SORCS3: variants seen among roughly 807,000 people sequenced by gnomAD.
SORCS3 encodes the protein VPS10 domain-containing receptor SorCS3.
A neutral mutation model predicts 146.3 loss-of-function variants in SORCS3; 57 were observed. The observed-to-expected ratio is 0.39, with a 90% CI of 0.31 to 0.49. The LOEUF is 0.49. Among genes scored for constraint, SORCS3 ranks in the 20% least tolerant of loss-of-function variants. The pLI, the probability that SORCS3 is intolerant of heterozygous loss-of-function variation, is 0.92. For missense variants in SORCS3, 1,341 were observed against 1,575.5 expected (o/e 0.85, Z 2.52); for synonymous variants, 653 against 618.5 (o/e 1.06, Z -0.83).
intron 13 of SORCS3, among the ~76,000 whole-genome samples, chr10:105,168,808 A>G (rs2056336255): frequency 6.6e-6 from 1 of 152,158 alleles, no homozygotes; most frequent in South Asian, 2.1e-4. Flanking sequence ...CCTAGCTTAT[A>G]GTGAAATAGT....
intron 4 of SORCS3, among the ~76,000 whole-genome samples, chr10:105,034,515 G>T (rs980581648): frequency 6.6e-6 from 1 of 152,132 alleles, no homozygotes; most frequent in Non-Finnish European, 1.5e-5. Flanking sequence ...GCCAGTTTCT[G>T]CATGCTTGAC....
chr10:105,058,112 C>A (rs1338421421), intron 5 of SORCS3, among the ~76,000 whole-genome samples: 1 of 152,174 alleles, frequency 6.6e-6, no homozygotes, highest in Non-Finnish European at 1.5e-5. Flanking sequence ...GAACTGTGCA[C>A]AATGGAGGCA....
intron 1 of SORCS3, among the ~76,000 whole-genome samples, chr10:104,841,503 T>C (rs956576296): frequency 3.3e-5 from 5 of 152,136 alleles, no homozygotes; most frequent in Admixed American, 1.3e-4. Context: ...CTTTGGCACA[T>C]AATGGATCAT....
intron 1 of SORCS3, among the ~76,000 whole-genome samples, chr10:104,737,106 A>G (rs1277716940): frequency 6.6e-6 from 1 of 152,192 alleles, no homozygotes; most frequent in Non-Finnish European, 1.5e-5. Flanking sequence ...AAAGGACATG[A>G]ACTCATCTTT....
intron 1 of SORCS3, among the ~76,000 whole-genome samples, chr10:104,783,630 G>C (rs2017399575): frequency 6.6e-6 from 1 of 152,158 alleles, no homozygotes; most frequent in Admixed American, 6.5e-5. Flanking sequence ...AGAAGGCTGA[G>C]GTGGAAGAAT....
intron 1 of SORCS3, among the ~76,000 whole-genome samples, chr10:104,752,344 AT>A: frequency 6.6e-6 from 1 of 152,002 alleles, no homozygotes; most frequent in Non-Finnish European, 1.5e-5. Context: ...CTAAAGCATT[AT>A]TTTTTTGTGA....
intron 4 of SORCS3, among the ~76,000 whole-genome samples, chr10:105,036,073 G>T (rs183661329): frequency 6.6e-6 from 1 of 152,232 alleles, no homozygotes; most frequent in African/African-American, 2.4e-5. Flanking sequence ...GTGGCACTTA[G>T]ACCAATGCAC....
At chr10:104,717,100 G>A (rs988936066) in intron 1 of SORCS3, among the ~76,000 whole-genome samples, 1 of 152,084 alleles carries the variant, frequency 6.6e-6, no homozygotes, top group Non-Finnish European at 1.5e-5. Context: ...ACCAGCCCAG[G>A]CGGCATAGCA....
chr10:104,779,489 T>C (rs1185128777), intron 1 of SORCS3, among the ~76,000 whole-genome samples: 1 of 152,048 alleles, frequency 6.6e-6, no homozygotes, highest in Non-Finnish European at 1.5e-5. Flanking sequence ...AGAGAAAATG[T>C]TGAGAGTAAG....
intron 4 of SORCS3, among the ~76,000 whole-genome samples, chr10:105,038,810 T>C (rs909424229): frequency 6.6e-6 from 1 of 151,884 alleles, no homozygotes; most frequent in Non-Finnish European, 1.5e-5. Context: ...TTAATATCCT[T>C]AAATAATCTT....
chr10:104,664,584 A>C (rs1211053023), intron 1 of SORCS3: 1 of 152,196 alleles, frequency 6.6e-6, no homozygotes, highest in Non-Finnish European at 1.5e-5. Context: ...TGTCCATAAA[A>C]TTAGTCACTT....
At position 105,214,526 on chromosome 10, in the gene SORCS3, C is replaced by T; in HGVS notation, c.2460C>T (p.Ala820=). 1.2e-6 allele frequency: 2 copies of T among 1,613,776 alleles called. No individual in the cohort carries two copies. Among genetic ancestry groups the T allele is most frequent in the Non-Finnish European group, 1.7e-6 (2 of 1,179,834 alleles). ...AGGCCCAGATGTGCCCTGGAAAAGC[C>T]CCTCGGGGCCTCCATGTGGTGACGA... ...TAKAQMCPGK[A]PRGLHVVTTD... Residue 820 remains alanine, a synonymous_variant, in exon 18 of 27, where the codon GCC becomes GCT. Coordinates refer to ENST00000369701, the MANE Select transcript of SORCS3 (RefSeq NM_014978.3).
At chr10:104,854,605 G>A (rs903837734) in intron 2 of SORCS3, among the ~76,000 whole-genome samples, 1 of 151,906 alleles carries the variant, frequency 6.6e-6, no homozygotes, top group Non-Finnish European at 1.5e-5. Context: ...TTTGTGTGGG[G>A]GTGTGGGGAA....
chr10:104,791,718 G>A (rs1340669898), intron 1 of SORCS3, among the ~76,000 whole-genome samples: 1 of 152,184 alleles, frequency 6.6e-6, no homozygotes, highest in African/African-American at 2.4e-5. Context: ...TGGCTGCAGT[G>A]TGGATGACTG....
At chr10:104,685,376 C>G (rs895511560) in intron 1 of SORCS3, among the ~76,000 whole-genome samples, 1 of 152,168 alleles carries the variant, frequency 6.6e-6, no homozygotes, top group African/African-American at 2.4e-5. Flanking sequence ...CTACAGTGGG[C>G]AGGAGCTTCT....
At chr10:104,818,655 G>A (rs956160401) in intron 1 of SORCS3, among the ~76,000 whole-genome samples, 1 of 152,156 alleles carries the variant, frequency 6.6e-6, no homozygotes, top group African/African-American at 2.4e-5. Flanking sequence ...GCTTATGTCA[G>A]TTCCACAGGG....
chr10:104,749,538 G>T (rs954125981), intron 1 of SORCS3, among the ~76,000 whole-genome samples: 2 of 152,126 alleles, frequency 1.3e-5, no homozygotes, highest in African/African-American at 4.8e-5. Flanking sequence ...CTTATTGTAT[G>T]TCAATAACTG....
intron 20 of SORCS3, among the ~76,000 whole-genome samples, chr10:105,225,610 T>C (rs895391161): frequency 6.6e-6 from 1 of 152,078 alleles, no homozygotes; most frequent in Non-Finnish European, 1.5e-5. Flanking sequence ...TATCAATGTC[T>C]ACAAACTAAC....
At chr10:104,892,357 A>G (rs940441807) in intron 2 of SORCS3, among the ~76,000 whole-genome samples, 1 of 152,202 alleles carries the variant, frequency 6.6e-6, no homozygotes, top group African/African-American at 2.4e-5. Flanking sequence ...CATCTGCTGC[A>G]TGACTGACTA....
Sources: allele counts gnomAD v4.1 joint callset (sites outside exome capture counted in the v4.1 genomes callset), GRCh38; gene constraint gnomAD v4.1.1; transcripts MANE v1.5; gene names NCBI Gene and HGNC (gene_info 2026-07-23, HGNC 2026-07-21).